The following FBXL17 variants were observed in gnomAD, a reference collection of about 807,000 sequenced individuals.
FBXL17 encodes the protein F-box/LRR-repeat protein 17.
A neutral mutation model predicts 66.2 loss-of-function variants in FBXL17; 22 were observed. The ratio of observed to expected loss-of-function variants is 0.33; its 90% CI spans 0.24 to 0.47. The LOEUF is 0.47. Ranked by LOEUF, FBXL17 falls within the 20% of genes least tolerant of loss-of-function variation. The pLI is 1.00. For synonymous variants in FBXL17, 474 were observed against 400.5 expected (o/e 1.18, Z -2.19); for missense variants, 878 against 948.2 (o/e 0.93, Z 0.97).
At chr5:108,238,508 T>C (rs753384450) in intron 4 of FBXL17, among the ~76,000 whole-genome samples, 1 of 152,210 alleles carries the variant, frequency 6.6e-6, no homozygotes, top group African/African-American at 2.4e-5. Flanking sequence ...GACTTTTTAA[T>C]TTTTATTTAC....
intron 4 of FBXL17, among the ~76,000 whole-genome samples, chr5:108,287,005 A>C (rs1483515853): frequency 1.3e-5 from 2 of 152,096 alleles, no homozygotes; most frequent in Non-Finnish European, 2.9e-5. Context: ...TCTTCAACAA[A>C]GTCAACAAAA....
At chr5:108,125,306 A>C (rs532432113) in intron 6 of FBXL17, among the ~76,000 whole-genome samples, 1 of 152,194 alleles carries the variant, frequency 6.6e-6, no homozygotes, top group South Asian at 2.1e-4. Context: ...ACCTGTAAAA[A>C]TTAAATAAAT....
At chr5:108,351,573 T>C (rs1165055209) in intron 3 of FBXL17, among the ~76,000 whole-genome samples, 1 of 152,214 alleles carries the variant, frequency 6.6e-6, no homozygotes, top group Non-Finnish European at 1.5e-5. Flanking sequence ...GTCAGCCTAG[T>C]CAATGACTAG....
At chr5:108,124,443 G>A (rs1750619058) in intron 6 of FBXL17, among the ~76,000 whole-genome samples, 1 of 151,618 alleles carries the variant, frequency 6.6e-6, no homozygotes, top group Non-Finnish European at 1.5e-5. Context: ...AACACTATAG[G>A]GTTTATAATT....
At chr5:108,318,140 C>T (rs910395096) in intron 4 of FBXL17, among the ~76,000 whole-genome samples, 16 of 151,456 alleles carry the variant, frequency 1.1e-4, no homozygotes, top group African/African-American at 3.6e-4. Context: ...GAGAAAAAAA[C>T]CCATGTGCAC....
chr5:108,114,749 A>G (rs1750175373), intron 6 of FBXL17, among the ~76,000 whole-genome samples: 1 of 152,208 alleles, frequency 6.6e-6, no homozygotes, highest in Non-Finnish European at 1.5e-5. Flanking sequence ...CTGAATGCCA[A>G]TCACACTACT....
At chr5:107,909,634 C>G (rs1446316390) in intron 7 of FBXL17, among the ~76,000 whole-genome samples, 2 of 152,116 alleles carry the variant, frequency 1.3e-5, no homozygotes, top group African/African-American at 4.8e-5. Context: ...CTAATTGAGG[C>G]CTTTTTGCCT....
chr5:108,351,534 T>C (rs1747657345), intron 3 of FBXL17, among the ~76,000 whole-genome samples: 1 of 152,188 alleles, frequency 6.6e-6, no homozygotes, highest in Non-Finnish European at 1.5e-5. Context: ...CAAGCAATCT[T>C]TATTTCTCTA....
chr5:108,297,331 G>A (rs1580767292), intron 4 of FBXL17, among the ~76,000 whole-genome samples: 1 of 151,672 alleles, frequency 6.6e-6, no homozygotes, highest in East Asian at 1.9e-4. Context: ...AGACCTTATT[G>A]TGACAAAATT....
intron 5 of FBXL17, among the ~76,000 whole-genome samples, chr5:108,203,444 A>G (rs1753983900): frequency 6.6e-6 from 1 of 152,160 alleles, no homozygotes; most frequent in Non-Finnish European, 1.5e-5. Flanking sequence ...GGCCTAGATA[A>G]TCAAAGCTTA....
intron 6 of FBXL17, among the ~76,000 whole-genome samples, chr5:108,116,971 C>T (rs747753287): frequency 6.6e-6 from 1 of 151,856 alleles, no homozygotes; most frequent in Non-Finnish European, 1.5e-5. Flanking sequence ...TTTGTTAGGG[C>T]TGTGGATATT....
intron 5 of FBXL17, among the ~76,000 whole-genome samples, chr5:108,219,930 T>TTTTTTTTTTTTTTTTTTTTTTTTTTC: frequency 1.7e-5 from 1 of 59,880 alleles, no homozygotes; most frequent in African/African-American, 8.3e-5. Flanking sequence ...ACTATTTCCT[T>TTTTTTTTTTTTTTTTTTTTTTTTTTC]TTTTTTTTTT....
rs565717676 is a variant in FBXL17, at chr5:107,976,774, T to C, written c.1822+44151A>G. Reference sequence around the variant, plus strand: ...ATTAAAAAAAGAAAAGACAATAACATATATAACAGACTTCAATATATTAAT... The same window carrying C: ...ATTAAAAAAAGAAAAGACAATAACACATATAACAGACTTCAATATATTAAT... On this transcript the variant is annotated intron_variant, in intron 7 of 8. Coordinates refer to ENST00000542267, the MANE Select transcript of FBXL17 (RefSeq NM_001163315.3). Among the ~76,000 whole-genome samples the C allele has an allele frequency of 9.8e-5, 15 of 152,324 alleles. 1 individual carries two copies. In the South Asian group the frequency reaches 2.5e-3, roughly 25 times the overall value.
At chr5:107,923,382 T>C (rs921972112) in intron 7 of FBXL17, among the ~76,000 whole-genome samples, 1 of 152,140 alleles carries the variant, frequency 6.6e-6, no homozygotes, top group African/African-American at 2.4e-5. Context: ...CCCTGGTAAC[T>C]AGGGAATGGC....
chr5:108,282,916 A>C (rs1206231037), intron 4 of FBXL17, among the ~76,000 whole-genome samples: 1 of 151,428 alleles, frequency 6.6e-6, no homozygotes, highest in South Asian at 2.1e-4. Context: ...ATAGCAACAA[A>C]AAAAAAAAAC....
chr5:108,037,628 T>C (rs1275243879), intron 6 of FBXL17, among the ~76,000 whole-genome samples: 1 of 152,170 alleles, frequency 6.6e-6, no homozygotes, highest in African/African-American at 2.4e-5. Context: ...GACTCAGCAG[T>C]CTGAGTTCCC....
rs377682066 is a variant in FBXL17, at chr5:108,359,666, T to C, written c.1374+5072A>G. Among the ~76,000 whole-genome samples, 4 of 152,300 alleles carry C rather than the reference T, an allele frequency of 2.6e-5. No homozygotes were observed. The East Asian group carries it at 7.7e-4, about 29-fold the overall frequency. On this transcript the variant is annotated intron_variant, in intron 3 of 8. Coordinates refer to ENST00000542267, the MANE Select transcript of FBXL17 (RefSeq NM_001163315.3). ...CATTATGGTTAGGGAAGACACACTG[T>C]ATGATTTCAATCTTTTTTAAATGTA...
intron 5 of FBXL17, among the ~76,000 whole-genome samples, chr5:108,186,488 T>C (rs967434633): frequency 6.7e-6 from 1 of 148,950 alleles, no homozygotes; most frequent in Non-Finnish European, 1.5e-5. Context: ...GAAAGTAGAT[T>C]TGGCCAGGCG....
At chr5:108,288,729 G>T (rs1322198250) in intron 4 of FBXL17, among the ~76,000 whole-genome samples, 1 of 151,788 alleles carries the variant, frequency 6.6e-6, no homozygotes, top group Non-Finnish European at 1.5e-5. Flanking sequence ...TTGTGTGGGG[G>T]TAATACAAAG....
Sources: gnomAD v4.1 joint callset for allele counts (sites outside exome capture counted in the v4.1 genomes callset) on GRCh38, gnomAD v4.1.1 for gene constraint, MANE v1.5 for transcripts, NCBI Gene and HGNC (gene_info 2026-07-23, HGNC 2026-07-21) for gene names.